Variants in MYO18A observed in about 807,000 individuals in gnomAD.
The protein encoded by MYO18A is unconventional myosin-XVIIIa.
A neutral mutation model predicts 235.8 loss-of-function variants in MYO18A; 78 were observed. That is an observed-to-expected ratio of 0.33 (90% CI 0.28 to 0.40). The LOEUF (loss-of-function observed/expected upper bound fraction) is 0.40, where lower values mean the gene tolerates loss of function less well. MYO18A is among the 10% of genes least tolerant of loss of function. The probability of loss-of-function intolerance (pLI) is 1.00; values close to 1 mark genes in which losing one functional copy is unlikely to be tolerated. For missense variants in MYO18A, 2,215 were observed against 2,699.3 expected (o/e 0.82, Z 3.98); for synonymous variants, 977 against 1,077.8 (o/e 0.91, Z 1.83).
In MYO18A at chr17:29,089,950, T is replaced by G; in HGVS notation, c.5526+11A>C. 5 of 1,613,914 alleles carry G rather than the reference T, an allele frequency of 3.1e-6. No homozygotes were observed. In the South Asian group the frequency reaches 5.5e-5, roughly 18 times the overall value. On this transcript the variant is annotated intron_variant, in intron 37 of 41. Coordinates refer to ENST00000527372, the MANE Select transcript of MYO18A (RefSeq NM_078471.4). ...CCTGTTTGGTGTGGCCCGGGAGAAG[T>G]GTGAACCCACCTCCAGCCGTTTCAC...
In MYO18A at chr17:29,117,341, T is replaced by C. The variant is rs1035093998; in HGVS notation, c.2038+704A>G. Among the ~76,000 whole-genome samples, 4 of 151,918 alleles carry C rather than the reference T, an allele frequency of 2.6e-5. No individual in the cohort carries two copies. Among genetic ancestry groups the C allele is most frequent in the African/African-American group, 9.7e-5 (4 of 41,348 alleles). On this transcript the variant is annotated intron_variant, in intron 10 of 41. Transcript: ENST00000527372. The surrounding 1 kb of genome is among the most constrained non-coding windows in gnomAD (Gnocchi z 4.6). ...CCCCCTAGTGGCCGCCACCCTGACA[T>C]GCAAGAGGAAGATACGGAGCTACCC...
chr17:29,073,962 T>A lies in MYO18A; in HGVS notation c.*808A>T. 6.2e-7 allele frequency: 1 copy of A among 1,613,906 alleles called. No individual in the cohort carries two copies. The highest frequency in any genetic ancestry group is 8.5e-7 in the Non-Finnish European group (1 of 1,179,954). ...CTGAACTGCTGTAGTTGGAATGGGT[T>A]TACCTTAAATAGGTCATTGCACATA... is the stretch of plus-strand genomic sequence containing the variant. On this transcript the variant is annotated 3_prime_UTR_variant, in exon 42 of 42. Transcript: ENST00000527372.
rs1403135227 is a variant in MYO18A, at chr17:29,140,745, G to GC, written c.1000-18493dup. On this transcript the variant is annotated intron_variant, in intron 2 of 41. Transcript: ENST00000527372. This position sits in a 1 kb window ranked among gnomAD's most constrained non-coding sequence, Gnocchi z 4.2. ...AGGAATTTGAGACCTGCAGCCCCCG[G>GC]CCCCACAGGCCAAGCTTGAGACAAG... Among the ~76,000 whole-genome samples the GC allele has an allele frequency of 6.6e-6, 1 of 152,080 alleles. No homozygotes were observed. The highest frequency in any genetic ancestry group is 1.5e-5 in the Non-Finnish European group (1 of 68,004).
intron 31 of MYO18A, among the ~76,000 whole-genome samples, chr17:29,093,703 ACT>A (rs1198491296): frequency 2.6e-5 from 4 of 152,096 alleles, no homozygotes; most frequent in African/African-American, 9.7e-5. Flanking sequence ...AGGCTGGCTG[ACT>A]GCAGGCAGCA....
chr17:29,082,542 G>T, intron 40 of MYO18A, 104 bp from the exon 41 acceptor site: 1 of 1,227,636 alleles, frequency 8.1e-7, no homozygotes, highest in Non-Finnish European at 1.2e-6. Context: ...GGGGATGTGG[G>T]CAGCATGCAC....
chr17:29,151,233 C>T (rs1185258200), intron 2 of MYO18A, among the ~76,000 whole-genome samples: 6 of 152,052 alleles, frequency 3.9e-5, no homozygotes, highest in African/African-American at 1.4e-4. Flanking sequence ...GACCCCGTCT[C>T]AGAAAAAATT....
chr17:29,150,052 T>C (rs1279212703), intron 2 of MYO18A, among the ~76,000 whole-genome samples: 1 of 152,186 alleles, frequency 6.6e-6, no homozygotes, highest in Non-Finnish European at 1.5e-5. Context: ...AAAATATCAG[T>C]AAGGTCTTCC....
At chr17:29,179,096 G>A (rs1343702334) in intron 1 of MYO18A, among the ~76,000 whole-genome samples, 1 of 152,158 alleles carries the variant, frequency 6.6e-6, no homozygotes, top group Non-Finnish European at 1.5e-5. Context: ...GCCATCTGAG[G>A]GAATGAAAGC....
intron 2 of MYO18A, chr17:29,124,812 G>A (rs537368109): frequency 1.2e-5 from 9 of 769,208 alleles, no homozygotes; most frequent in South Asian, 2.0e-5. Context: ...TCCAAGGCTC[G>A]GGGTGAAGGT....
intron 19 of MYO18A, among the ~76,000 whole-genome samples, chr17:29,107,912 T>C (rs1453262787): frequency 7.9e-6 from 1 of 127,348 alleles, no homozygotes; most frequent in African/African-American, 3.5e-5. Context: ...CAAGACTGTG[T>C]CTCAAAAAAA....
At chr17:29,119,686 C>G (rs2067152743) in intron 7 of MYO18A, among the ~76,000 whole-genome samples, 1 of 151,720 alleles carries the variant, frequency 6.6e-6, no homozygotes, top group Admixed American at 6.6e-5. Flanking sequence ...GCCTTGGCCT[C>G]CTGAGTAGCT....
In MYO18A at chr17:29,074,248, C is replaced by T. The variant is rs1255599612; in HGVS notation, c.*522G>A. ...CAGCTACCACTACAGCCCCCTCCCA[C>T]TCTCAGGGATGCAGCTGTGATGGAG... On this transcript the variant is annotated 3_prime_UTR_variant, in exon 42 of 42. Transcript: ENST00000527372. The surrounding 1 kb of genome is among the most constrained non-coding windows in gnomAD (Gnocchi z 4.4). 7 of 1,492,904 alleles carry T rather than the reference C, an allele frequency of 4.7e-6. No homozygotes were observed. In the South Asian group the frequency reaches 9.0e-5, roughly 19 times the overall value. The allele number at this position is 1,492,904 out of a possible 1,614,324, so 92.5% of individuals were successfully genotyped here. A position where few individuals can be genotyped will look rare whatever the true frequency, so the allele number is the denominator to read the frequency against.
At chr17:29,144,902 G>C (rs1245944196) in intron 2 of MYO18A, among the ~76,000 whole-genome samples, 2 of 152,126 alleles carry the variant, frequency 1.3e-5, no homozygotes, top group South Asian at 4.1e-4. Flanking sequence ...TGCTCACAAA[G>C]TATAGTACAC....
At chr17:29,169,106 G>T (rs1422628517) in intron 1 of MYO18A, among the ~76,000 whole-genome samples, 1 of 152,000 alleles carries the variant, frequency 6.6e-6, no homozygotes, top group Non-Finnish European at 1.5e-5. Flanking sequence ...GGAGGCAGAG[G>T]TGGCGTGATC....
At chr17:29,172,414 G>A (rs188403665) in intron 1 of MYO18A, among the ~76,000 whole-genome samples, 48 of 151,258 alleles carry the variant, frequency 3.2e-4, no homozygotes, top group Non-Finnish European at 5.7e-4. Flanking sequence ...GCAGTGAGCC[G>A]AGATCATGCC....
chr17:29,116,544 C>A (rs1412619776), intron 10 of MYO18A, 89 bp from the exon 11 acceptor site: 1 of 1,539,850 alleles, frequency 6.5e-7, no homozygotes, highest in Admixed American at 1.7e-5. Flanking sequence ...CTCGGAGGGA[C>A]CGTGGGGCGG....
chr17:29,099,727 C>T lies in MYO18A; in HGVS notation c.3543G>A (p.Glu1181=), dbSNP rs2066610076. ...TGCTGGTTTGTTCATCCCGCTGCTCCTCCAGCCGTGCCAAGGTGCCCGCCC... is the reference window on the plus strand; with the variant it reads ...TGCTGGTTTGTTCATCCCGCTGCTCTTCCAGCCGTGCCAAGGTGCCCGCCC... ...FFRAGTLARL[E]EQRDEQTSRN... is the part of the protein sequence containing the mutation. The change falls in exon 22 of 42, where the codon GAG becomes GAA. Residue 1181 remains glutamate, a synonymous_variant. Coordinates refer to ENST00000527372, the MANE Select transcript of MYO18A (RefSeq NM_078471.4). 1.2e-6 allele frequency: 2 copies of T among 1,613,392 alleles called. No homozygotes were observed. Among genetic ancestry groups the T allele is most frequent in the Non-Finnish European group, 1.7e-6 (2 of 1,179,870 alleles).
At chr17:29,129,194 C>G (rs1016237285) in intron 2 of MYO18A, 4 of 1,032,948 alleles carry the variant, frequency 3.9e-6, no homozygotes. Context: ...CGTCCCTCGT[C>G]TGCGGCCACT....
Position 29,072,787 on chromosome 17 carries a change from C to T in MYO18A, c.*1983G>A, listed in dbSNP as rs1598248260. 1 of 152,192 alleles carries T rather than the reference C, an allele frequency of 6.6e-6. No individual in the cohort carries two copies. Among genetic ancestry groups the T allele is most frequent in the African/African-American group, 2.4e-5 (1 of 41,432 alleles). 9.4% of individuals were successfully genotyped at this position (152,192 alleles called of 1,614,324 possible). A position where few individuals can be genotyped will look rare whatever the true frequency, so the allele number is the denominator to read the frequency against. ...TACTTTATTCATTCAGGGATTATAA[C>T]TGGCCACACTACAGAATGAGAAGGT... On this transcript the variant is annotated 3_prime_UTR_variant, in exon 42 of 42. Coordinates refer to ENST00000527372, the MANE Select transcript of MYO18A (RefSeq NM_078471.4).
Sources: gnomAD v4.1 joint callset for allele counts (sites outside exome capture counted in the v4.1 genomes callset) on GRCh38, gnomAD v4.1.1 for gene constraint, Gnocchi (gnomAD v3.1) non-coding constraint, MANE v1.5 for transcripts, NCBI Gene and HGNC (gene_info 2026-07-23, HGNC 2026-07-21) for gene names.